Variants in SNTG1 observed in about 807,000 individuals in gnomAD.
SNTG1 encodes syntrophin gamma 1, also known as gamma-1-syntrophin.
A neutral mutation model predicts 74.7 loss-of-function variants in SNTG1; 39 were observed. That is an observed-to-expected ratio of 0.52 (90% CI 0.40 to 0.68). The LOEUF (loss-of-function observed/expected upper bound fraction) is 0.68, where lower values mean the gene tolerates loss of function less well. SNTG1 is among the 30% of genes least tolerant of loss of function. The pLI is 0.00. For synonymous variants in SNTG1, 254 were observed against 217.1 expected, an observed-to-expected ratio of 1.17 and a Z score of -1.49; for missense variants, 685 against 609.5, an observed-to-expected ratio of 1.12 and a Z score of -1.30.
intron 1 of SNTG1, among the ~76,000 whole-genome samples, chr8:49,983,421 A>G (rs775917807): frequency 6.6e-6 from 1 of 152,234 alleles, no homozygotes; most frequent in Non-Finnish European, 1.5e-5. Context: ...AAGAATATCA[A>G]ATTCAGTCTT....
At chr8:50,071,383 CCAGACT>C (rs1330341440) in intron 1 of SNTG1, among the ~76,000 whole-genome samples, 8 of 151,876 alleles carry the variant, frequency 5.3e-5, no homozygotes, top group Non-Finnish European at 8.8e-5. Context: ...GTTATTTTTC[CCAGACT>C]CACAAACTTG....
chr8:50,237,669 T>A (rs4330704), intron 2 of SNTG1, among the ~76,000 whole-genome samples: 85,898 of 151,988 alleles, frequency 0.57, 27,988 homozygotes, highest in East Asian at 0.84. Flanking sequence ...TTTAAATTCA[T>A]AGTTTTAAAC....
At chr8:50,451,151 T>C (rs1381360489) in intron 8 of SNTG1, among the ~76,000 whole-genome samples, 1 of 152,080 alleles carries the variant, frequency 6.6e-6, no homozygotes, top group South Asian at 2.1e-4. Context: ...CAACCAACCA[T>C]CTGTAGAAAA....
At chr8:50,359,812 C>T (rs574924236) in intron 2 of SNTG1, among the ~76,000 whole-genome samples, 19 of 152,204 alleles carry the variant, frequency 1.2e-4, no homozygotes, top group African/African-American at 4.6e-4. Flanking sequence ...TCTGGTTCTG[C>T]TTTCTGTTTG....
At chr8:50,009,989 C>CT (rs959663042) in intron 1 of SNTG1, among the ~76,000 whole-genome samples, 71 of 152,292 alleles carry the variant, frequency 4.7e-4, no homozygotes, top group African/African-American at 1.6e-3. Flanking sequence ...GAGTGAGACT[C>CT]TGTCTAAAAA....
intron 1 of SNTG1, among the ~76,000 whole-genome samples, chr8:49,982,900 T>C (rs146159899): frequency 1.2e-3 from 181 of 152,314 alleles, no homozygotes; most frequent in Non-Finnish European, 2.0e-3. Flanking sequence ...ACAGTAAAAT[T>C]GATGTAATCC....
At chr8:50,700,700 A>G (rs1585579362) in intron 15 of SNTG1, among the ~76,000 whole-genome samples, 1 of 152,202 alleles carries the variant, frequency 6.6e-6, no homozygotes, top group South Asian at 2.1e-4. Context: ...ACTTTCCCTC[A>G]AGATGATTTA....
intron 18 of SNTG1, chr8:50,762,849 C>T (rs2095602861): frequency 5.3e-6 from 2 of 375,074 alleles, no homozygotes; most frequent in African/African-American, 2.1e-5. Flanking sequence ...TGCTCCGAAG[C>T]CAGACGTCAC....
intron 1 of SNTG1, among the ~76,000 whole-genome samples, chr8:50,146,361 CA>C (rs796184915): frequency 6.6e-6 from 1 of 151,758 alleles, no homozygotes. Context: ...GTACTAAATA[CA>C]AAAAAATTAG....
At chr8:50,270,496 G>A (rs187909756) in intron 2 of SNTG1, among the ~76,000 whole-genome samples, 1 of 152,186 alleles carries the variant, frequency 6.6e-6, no homozygotes, top group East Asian at 1.9e-4. Context: ...TATGATTGGA[G>A]ATCAGAGAGG....
chr8:50,144,551 T>C (rs1315758446), intron 1 of SNTG1, among the ~76,000 whole-genome samples: 1 of 152,226 alleles, frequency 6.6e-6, no homozygotes, highest in Non-Finnish European at 1.5e-5. Context: ...GAGAATTTTA[T>C]ATGTTTCATG....
chr8:50,752,314 TACAC>T (rs2131702799), intron 18 of SNTG1, among the ~76,000 whole-genome samples: 1 of 152,122 alleles, frequency 6.6e-6, no homozygotes, highest in African/African-American at 2.4e-5. Flanking sequence ...TAAAATAAAT[TACAC>T]AAAACTAATT....
intron 1 of SNTG1, among the ~76,000 whole-genome samples, chr8:49,959,630 T>C (rs970687867): frequency 6.6e-6 from 1 of 152,266 alleles, no homozygotes; most frequent in African/African-American, 2.4e-5. Flanking sequence ...CAATACTTCA[T>C]TTAATTTTAT....
At chr8:49,958,349 G>C (rs1206193355) in intron 1 of SNTG1, among the ~76,000 whole-genome samples, 1 of 152,170 alleles carries the variant, frequency 6.6e-6, no homozygotes, top group African/African-American at 2.4e-5. Context: ...CCATTATGGA[G>C]AGATGAACAG....
chr8:49,983,569 T>C (rs1812873783), intron 1 of SNTG1, among the ~76,000 whole-genome samples: 2 of 152,178 alleles, frequency 1.3e-5, no homozygotes, highest in South Asian at 4.1e-4. Flanking sequence ...TGAGATAATA[T>C]GTATAAGAGC....
intron 1 of SNTG1, among the ~76,000 whole-genome samples, chr8:50,123,778 G>A (rs2081064851): frequency 7.0e-6 from 1 of 142,210 alleles, no homozygotes. Flanking sequence ...AAATAGCTGT[G>A]TAACCTACAG....
At chr8:50,732,416 C>T (rs1193142005) in intron 17 of SNTG1, among the ~76,000 whole-genome samples, 3 of 151,828 alleles carry the variant, frequency 2.0e-5, no homozygotes, top group African/African-American at 7.2e-5. Flanking sequence ...TTTGTTTTAA[C>T]ATAAAATAAA....
In SNTG1 at chr8:50,590,969, T is replaced by G. The variant is rs373417258; in HGVS notation, c.849+52T>G. 114 of 1,296,744 alleles carry G rather than the reference T, an allele frequency of 8.8e-5. 1 individual carries two copies. The African/African-American group carries it at 1.6e-3, about 19-fold the overall frequency. The allele number at this position is 1,296,744 out of a possible 1,614,324, so 80.3% of individuals were successfully genotyped here. A position where few individuals can be genotyped will look rare whatever the true frequency, so the allele number is the denominator to read the frequency against. On this transcript the variant is annotated intron_variant, in intron 13 of 18. Transcript: ENST00000642720. ...TAAATAATATATTTCTTTAATTTTA[T>G]TGATTATAGAAGATAACGTTACCTG...
intron 2 of SNTG1, among the ~76,000 whole-genome samples, chr8:50,356,136 G>T (rs1403403155): frequency 1.3e-5 from 2 of 151,890 alleles, no homozygotes; most frequent in African/African-American, 4.8e-5. Context: ...CGGTGGGTTT[G>T]TTTTTTTCAA....
Sources: gnomAD v4.1 joint callset for allele counts (sites outside exome capture counted in the v4.1 genomes callset) on GRCh38, gnomAD v4.1.1 for gene constraint, MANE v1.5 for transcripts, NCBI Gene and HGNC (gene_info 2026-07-23, HGNC 2026-07-21) for gene names.